The following SNX29 variants were observed in gnomAD, a reference collection of about 807,000 sequenced individuals.
SNX29 encodes the protein sorting nexin-29.
In SNX29, 78 loss-of-function variants were observed where a neutral mutation model predicts 102.1. That is an observed-to-expected ratio of 0.76 (90% CI 0.64 to 0.92). The LOEUF is 0.92. Among genes scored for constraint, SNX29 ranks in the 40% least tolerant of loss-of-function variants. SNX29 has a pLI of 0.00. For synonymous variants in SNX29, 580 were observed against 414.5 expected (o/e 1.40, Z -4.85); for missense variants, 1,280 against 1,061.7 (o/e 1.21, Z -2.86).
At chr16:12,089,216 A>T (rs1411294309) in intron 11 of SNX29, among the ~76,000 whole-genome samples, 1 of 152,068 alleles carries the variant, frequency 6.6e-6, no homozygotes, top group African/African-American at 2.4e-5. Context: ...CTGTAGTTCC[A>T]GCTACTTGGG....
chr16:12,556,136 ATGGT>A (rs1242225922), intron 20 of SNX29, among the ~76,000 whole-genome samples: 5 of 152,172 alleles, frequency 3.3e-5, no homozygotes, highest in African/African-American at 7.2e-5. Context: ...TCTCAAAGTG[ATGGT>A]TGGAGTGGTT....
intron 13 of SNX29, among the ~76,000 whole-genome samples, chr16:12,138,969 G>A (rs1597020665): frequency 1.3e-5 from 2 of 152,064 alleles, no homozygotes; most frequent in Non-Finnish European, 1.5e-5. Flanking sequence ...TTGGGAGGCC[G>A]AGGTAGGTGG....
intron 18 of SNX29, among the ~76,000 whole-genome samples, chr16:12,447,394 A>G (rs1176580085): frequency 6.6e-6 from 1 of 152,078 alleles, no homozygotes; most frequent in Non-Finnish European, 1.5e-5. Context: ...AAAACTAAAA[A>G]CTATCCTGGT....
At chr16:12,030,583 CT>C (rs1246016203) in intron 4 of SNX29, among the ~76,000 whole-genome samples, 1 of 152,184 alleles carries the variant, frequency 6.6e-6, no homozygotes, top group Non-Finnish European at 1.5e-5. Flanking sequence ...GAATTCTCTT[CT>C]TTCTCCCCGA....
At chr16:12,403,394 T>C (rs1046480845) in intron 17 of SNX29, 54 bp from the exon 18 acceptor site, 2 of 1,511,334 alleles carry the variant, frequency 1.3e-6, no homozygotes. Flanking sequence ...TATTTTTTAT[T>C]TTTTTGTAAG....
chr16:12,154,155 C>G (rs564361670), intron 13 of SNX29, among the ~76,000 whole-genome samples: 138 of 152,318 alleles, frequency 9.1e-4, no homozygotes, highest in African/African-American at 3.3e-3. Context: ...CCGACCCCAC[C>G]TCTTTTTTCC....
chr16:12,408,784 C>T (rs1286216772), intron 18 of SNX29, among the ~76,000 whole-genome samples: 1 of 152,200 alleles, frequency 6.6e-6, no homozygotes, highest in Non-Finnish European at 1.5e-5. Context: ...TGCGCCATTG[C>T]ACTCCAGCCT....
chr16:12,078,384 A>G (rs576029462), intron 10 of SNX29, among the ~76,000 whole-genome samples: 1 of 152,290 alleles, frequency 6.6e-6, no homozygotes, highest in Non-Finnish European at 1.5e-5. Flanking sequence ...CTGAGGCACA[A>G]GAATCGCTTG....
At chr16:12,538,675 T>A (rs11075089) in intron 20 of SNX29, among the ~76,000 whole-genome samples, 1 of 151,968 alleles carries the variant, frequency 6.6e-6, no homozygotes, top group African/African-American at 2.4e-5. Flanking sequence ...AGATCTTTCA[T>A]CCTCCTCCCA....
At chr16:12,547,574 T>G (rs756675273) in intron 20 of SNX29, among the ~76,000 whole-genome samples, 2 of 150,556 alleles carry the variant, frequency 1.3e-5, no homozygotes, top group Non-Finnish European at 2.9e-5. Flanking sequence ...TCCCCCTCCC[T>G]CACGAGGATT....
chr16:12,203,754 T>A lies in SNX29; in HGVS notation c.1678+4071T>A, dbSNP rs137971939. Among the ~76,000 whole-genome samples, 108 of 152,320 alleles carry A rather than the reference T, an allele frequency of 7.1e-4. 1 individual carries two copies. The highest frequency in any genetic ancestry group is 2.4e-3 in the African/African-American group (101 of 41,582). On this transcript the variant is annotated intron_variant, in intron 14 of 20. Coordinates refer to ENST00000566228, the MANE Select transcript of SNX29 (RefSeq NM_032167.5). Reference sequence around the variant, plus strand: ...TCTCTTGGACTCTTCCCAGGAGCATTTGCCTGACGTGAGAGCTTGCTCTGT... The same window carrying A: ...TCTCTTGGACTCTTCCCAGGAGCATATGCCTGACGTGAGAGCTTGCTCTGT...
At chr16:12,147,764 G>A (rs925038419) in intron 13 of SNX29, among the ~76,000 whole-genome samples, 8 of 152,168 alleles carry the variant, frequency 5.3e-5, no homozygotes, top group African/African-American at 1.7e-4. Context: ...TTTCCGGTAC[G>A]GTTCACAAGG....
At chr16:12,054,008 C>T (rs1356998705) in intron 8 of SNX29, among the ~76,000 whole-genome samples, 1 of 151,376 alleles carries the variant, frequency 6.6e-6, no homozygotes, top group East Asian at 1.9e-4. Flanking sequence ...TGCTCTGTCG[C>T]CCAGGCTGGG....
At chr16:12,025,878 C>G (rs2057177267) in intron 3 of SNX29, among the ~76,000 whole-genome samples, 1 of 152,164 alleles carries the variant, frequency 6.6e-6, no homozygotes, top group Admixed American at 6.5e-5. Flanking sequence ...GGATGGAGTT[C>G]AGGTACAGAT....
intron 18 of SNX29, among the ~76,000 whole-genome samples, chr16:12,415,544 C>T (rs1013710041): frequency 6.6e-6 from 1 of 152,234 alleles, no homozygotes; most frequent in Non-Finnish European, 1.5e-5. Context: ...AAGTTCTCCT[C>T]GCAGGCAGGT....
intron 14 of SNX29, among the ~76,000 whole-genome samples, chr16:12,248,332 T>G (rs995937055): frequency 2.0e-5 from 3 of 151,912 alleles, no homozygotes; most frequent in East Asian, 3.9e-4. Context: ...TTCCCCTGTT[T>G]CCTGGAGTTC....
chr16:12,059,669 T>G (rs2050688608), intron 8 of SNX29, among the ~76,000 whole-genome samples: 1 of 152,180 alleles, frequency 6.6e-6, no homozygotes, highest in African/African-American at 2.4e-5. Flanking sequence ...CCCCAAGCAG[T>G]GAACAGTTGT....
rs754154137 is a variant in SNX29 at position 12,568,575 on chromosome 16, C to G, written c.2388C>G (p.Ser796=). ...CAGCTTCCCGCTTCCCCAAACTGTC[C>G]CGGGGTCAGCCCCGGGAGACCCGCA... is the stretch of plus-strand genomic sequence containing the variant. ...PKAASRFPKL[S]RGQPRETRNV... is the part of the protein sequence containing the mutation. Residue 796 remains serine, a synonymous_variant, in exon 21 of 21, where the codon TCC becomes TCG. Transcript: ENST00000566228. 2 of 1,607,774 alleles carry G rather than the reference C, an allele frequency of 1.2e-6. No homozygotes were observed. Among genetic ancestry groups the G allele is most frequent in the Non-Finnish European group, 8.5e-7 (1 of 1,179,838 alleles).
intron 14 of SNX29, among the ~76,000 whole-genome samples, chr16:12,219,021 G>T (rs530782885): frequency 7.2e-5 from 11 of 152,070 alleles, no homozygotes; most frequent in African/African-American, 2.2e-4. Flanking sequence ...TGATCTGCCC[G>T]CCTTGGCCTC....
Sources: allele counts gnomAD v4.1 joint callset (sites outside exome capture counted in the v4.1 genomes callset), GRCh38; gene constraint gnomAD v4.1.1; transcripts MANE v1.5; gene names NCBI Gene and HGNC (gene_info 2026-07-23, HGNC 2026-07-21).